TEX14: variants seen among roughly 807,000 people sequenced by gnomAD.
TEX14 encodes inactive serine/threonine-protein kinase TEX14.
In TEX14, 168 loss-of-function variants were observed where a neutral mutation model predicts 178.6. That is an observed-to-expected ratio of 0.94 (90% CI 0.83 to 1.07). The LOEUF is 1.07. Ranked by LOEUF, TEX14 falls within the 50% of genes least tolerant of loss-of-function variation. The probability of loss-of-function intolerance (pLI) is 0.00; values close to 1 mark genes in which losing one functional copy is unlikely to be tolerated. For missense variants in TEX14, 1,730 were observed against 1,753.6 expected (o/e 0.99, Z 0.24); for synonymous variants, 626 against 634.1 (o/e 0.99, Z 0.19).
chr17:58,595,342 T>A (rs1050747097), intron 14 of TEX14, among the ~76,000 whole-genome samples: 4 of 152,196 alleles, frequency 2.6e-5, no homozygotes, highest in African/African-American at 9.6e-5. Flanking sequence ...TTATATCCTA[T>A]GTACTAGTAG....
chr17:58,589,293 T>C (rs2045062146), intron 15 of TEX14, among the ~76,000 whole-genome samples: 1 of 151,308 alleles, frequency 6.6e-6, no homozygotes, highest in Admixed American at 6.6e-5. Context: ...CTGGGTGCAG[T>C]GGTTCATGCC....
intron 1 of TEX14, among the ~76,000 whole-genome samples, chr17:58,663,341 G>C (rs535701579): frequency 2.7e-5 from 4 of 147,960 alleles, no homozygotes; most frequent in Non-Finnish European, 5.9e-5. Flanking sequence ...AGAATTGCTT[G>C]AACGTGGGAG....
chr17:58,562,361 G>A (rs890567591), intron 28 of TEX14, among the ~76,000 whole-genome samples: 2 of 152,154 alleles, frequency 1.3e-5, no homozygotes, highest in African/African-American at 4.8e-5. Flanking sequence ...TTCCACTCTG[G>A]CTTGGTGCCT....
intron 2 of TEX14, among the ~76,000 whole-genome samples, chr17:58,636,054 A>G (rs2046428191): frequency 6.6e-6 from 1 of 152,170 alleles, no homozygotes; most frequent in Non-Finnish European, 1.5e-5. Flanking sequence ...GGGCTTCTCT[A>G]AGGATCAGAA....
At chr17:58,560,574 T>C (rs1309019896) in intron 29 of TEX14, among the ~76,000 whole-genome samples, 1 of 152,254 alleles carries the variant, frequency 6.6e-6, no homozygotes, top group East Asian at 1.9e-4. Flanking sequence ...ATTAGTCTTC[T>C]AGGGCAGACA....
intron 29 of TEX14, 38 bp from the exon 30 acceptor site, chr17:58,559,600 A>G (rs1383674170): frequency 3.1e-6 from 3 of 974,310 alleles, no homozygotes; most frequent in East Asian, 2.4e-5. Flanking sequence ...AAACGTATAC[A>G]CAACAGCCAA....
Position 58,564,923 on chromosome 17 carries a change from T to A in TEX14, c.4010A>T (p.Asp1337Val). The change falls in exon 28 of 32, where the codon GAT becomes GTT. Residue 1337 changes from aspartate to valine, a missense_variant. Physicochemically the swap from Asp to Val is radical, Grantham distance 152 (BLOSUM62 -3). Coordinates refer to ENST00000349033, the MANE Select transcript of TEX14 (RefSeq NM_031272.5). ...TTCTTTGGACAAAAGCATACTACTA[T>A]CTTCTTTTTTACTGTCAGTTTCTTG... The part of the protein sequence containing the change: ...EEQETDSKKE[D>V]SSMLLSKETE... 1 of 1,610,582 alleles carries A rather than the reference T, an allele frequency of 6.2e-7. No individual in the cohort carries two copies. The highest frequency in any genetic ancestry group is 8.5e-7 in the Non-Finnish European group (1 of 1,178,328).
intron 28 of TEX14, among the ~76,000 whole-genome samples, chr17:58,563,670 G>T (rs868247032): frequency 5.3e-3 from 157 of 29,738 alleles, no homozygotes; most frequent in South Asian, 0.01. Context: ...GAGAGAGAGA[G>T]AGAGAGAGAG....
intron 1 of TEX14, among the ~76,000 whole-genome samples, chr17:58,680,635 A>G (rs2047485566): frequency 6.6e-6 from 1 of 151,962 alleles, no homozygotes. Context: ...CCAGCTACTC[A>G]AGAGGCAGGA....
At chr17:58,668,012 A>G (rs1279855572) in intron 1 of TEX14, among the ~76,000 whole-genome samples, 10 of 152,078 alleles carry the variant, frequency 6.6e-5, no homozygotes, top group Admixed American at 5.9e-4. Flanking sequence ...TAGTAAAGGA[A>G]CCCTGCTAAG....
intron 26 of TEX14, among the ~76,000 whole-genome samples, chr17:58,566,561 G>A (rs2044402669): frequency 6.6e-6 from 1 of 152,198 alleles, no homozygotes; most frequent in Non-Finnish European, 1.5e-5. Context: ...CATTTTGGGA[G>A]GCCGAGGCAG....
chr17:58,570,878 AC>A (rs1800105733), intron 24 of TEX14, among the ~76,000 whole-genome samples: 1 of 151,716 alleles, frequency 6.6e-6, no homozygotes, highest in Non-Finnish European at 1.5e-5. Flanking sequence ...TGATCCACCC[AC>A]TTCAGCTTCC....
In TEX14 at chr17:58,573,167, T is replaced by C; in HGVS notation, c.3511+14A>G. ...AAGTCCTTCTCCCCAAACACTTCTC[T>C]TCCCTGTGATTACCTGGGCTGAGTG... On this transcript the variant is annotated intron_variant, in intron 23 of 31. Coordinates refer to ENST00000349033, the MANE Select transcript of TEX14 (RefSeq NM_031272.5). The C allele has an allele frequency of 1.2e-6, 2 of 1,613,384 alleles. No individual in the cohort carries two copies. The highest frequency in any genetic ancestry group is 1.7e-6 in the Non-Finnish European group (2 of 1,179,502).
At chr17:58,665,230 C>T (rs1275545212) in intron 1 of TEX14, among the ~76,000 whole-genome samples, 1 of 151,998 alleles carries the variant, frequency 6.6e-6, no homozygotes, top group South Asian at 2.1e-4. Context: ...GGTCTCAAGC[C>T]ATCCTCCTGC....
At chr17:58,564,781 T>C (rs1312919607) in intron 28 of TEX14, 88 bp downstream of exon 28, 1 of 752,546 alleles carries the variant, frequency 1.3e-6, no homozygotes. Flanking sequence ...CCACTTTTTT[T>C]CTTTCTTATT....
intron 2 of TEX14, among the ~76,000 whole-genome samples, chr17:58,640,454 A>G (rs774901606): frequency 2.0e-5 from 3 of 152,204 alleles, no homozygotes; most frequent in Non-Finnish European, 2.9e-5. Flanking sequence ...CTAAGGTCAC[A>G]CAGTTTTGAA....
rs748733815 is a variant in TEX14 at position 58,585,787 on chromosome 17, G to A, written c.3070+14C>T. The A allele has an allele frequency of 1.1e-5, 17 of 1,612,660 alleles. No homozygotes were observed. Among genetic ancestry groups the A allele is most frequent in the South Asian group, 7.7e-5 (7 of 91,056 alleles). ...ATTGAGTTCACCTATCCTGATTCCC[G>A]CAAGTGAACTTACTGGTGAAGCTTC... On this transcript the variant is annotated intron_variant, in intron 18 of 31. Coordinates refer to ENST00000349033, the MANE Select transcript of TEX14 (RefSeq NM_031272.5).
At chr17:58,573,520 C>CT (rs1286499097) in intron 22 of TEX14, among the ~76,000 whole-genome samples, 6 of 151,824 alleles carry the variant, frequency 4.0e-5, no homozygotes, top group East Asian at 3.9e-4. Context: ...ACCAAAGAGA[C>CT]TTTTTTTTGG....
intron 3 of TEX14, among the ~76,000 whole-genome samples, chr17:58,623,434 C>T (rs978005284): frequency 6.6e-6 from 1 of 152,102 alleles, no homozygotes; most frequent in Admixed American, 6.6e-5. Context: ...CCTAACAAGG[C>T]GCCACCTCTC....
Sources: allele counts gnomAD v4.1 joint callset (sites outside exome capture counted in the v4.1 genomes callset), GRCh38; gene constraint gnomAD v4.1.1; transcripts MANE v1.5; gene names NCBI Gene and HGNC (gene_info 2026-07-23, HGNC 2026-07-21).